Variants in SLC9A9 observed in about 807,000 individuals in gnomAD.
SLC9A9 encodes the protein solute carrier family 9 member A9.
In SLC9A9, 62 loss-of-function variants were observed where a neutral mutation model predicts 77.8. The observed-to-expected ratio is 0.80, with a 90% CI of 0.65 to 0.98. The LOEUF is 0.98. Among genes scored for constraint, SLC9A9 ranks in the 50% least tolerant of loss-of-function variants. The pLI is 0.00. For missense variants in SLC9A9, 775 were observed against 774.9 expected (o/e 1.00, Z 0.00); for synonymous variants, 320 against 283.5 (o/e 1.13, Z -1.29).
At chr3:143,614,531 T>A (rs1209626359) in intron 6 of SLC9A9, among the ~76,000 whole-genome samples, 1 of 152,192 alleles carries the variant, frequency 6.6e-6, no homozygotes, top group African/African-American at 2.4e-5. Context: ...ATAGAGTACA[T>A]CTTACTGACT....
At chr3:143,817,257 T>G (rs1176102689) in intron 2 of SLC9A9, among the ~76,000 whole-genome samples, 1 of 150,708 alleles carries the variant, frequency 6.6e-6, no homozygotes, top group Non-Finnish European at 1.5e-5. Flanking sequence ...CACGCCATTC[T>G]CCTGCCTCAG....
chr3:143,812,415 C>G (rs1487797928), intron 2 of SLC9A9, among the ~76,000 whole-genome samples: 1 of 152,130 alleles, frequency 6.6e-6, no homozygotes, highest in African/African-American at 2.4e-5. Flanking sequence ...GTTAAAAAAG[C>G]TGAGGAAACT....
chr3:143,832,129 G>C lies in SLC9A9; in HGVS notation c.268C>G (p.Pro90Ala). The C allele has an allele frequency of 6.2e-7, 1 of 1,613,122 alleles. No individual in the cohort carries two copies. Among genetic ancestry groups the C allele is most frequent in the East Asian group, 2.2e-5 (1 of 44,768 alleles). Residue 90 changes from proline to alanine, a missense_variant, in exon 2 of 16, where the codon CCA becomes GCA. Transcript: ENST00000316549. ...GTGATATTAACCAGCAGAGTTGATG[G>C]ACTGAAAGTTAGTTTTACACAGTCA... Reference protein sequence around the residue: ...VYDCVKLTFSPSTLLVNITDQ... With the variant: ...VYDCVKLTFSASTLLVNITDQ...
At position 143,520,568 on chromosome 3, in the gene SLC9A9, T is replaced by C. The variant is rs866496481; in HGVS notation, c.1090-25120A>G. ...TCTTATAACATGCCAGGTCCTGTTATAATACTTTACACACAAACACATAAC... is the reference window on the plus strand; with the variant it reads ...TCTTATAACATGCCAGGTCCTGTTACAATACTTTACACACAAACACATAAC... On this transcript the variant is annotated intron_variant, in intron 9 of 15. Coordinates refer to ENST00000316549, the MANE Select transcript of SLC9A9 (RefSeq NM_173653.4). 1.1e-4 allele frequency among the ~76,000 whole-genome samples: 16 copies of C among 152,360 alleles called. No homozygotes were observed. The South Asian group carries it at 1.2e-3, about 12-fold the overall frequency.
intron 12 of SLC9A9, among the ~76,000 whole-genome samples, chr3:143,456,265 TGTA>T (rs2035090222): frequency 6.6e-6 from 1 of 152,204 alleles, no homozygotes; most frequent in Non-Finnish European, 1.5e-5. Context: ...AATTGTAATG[TGTA>T]GCCTTTTTAA....
At chr3:143,295,841 G>A (rs1320768519) in intron 14 of SLC9A9, among the ~76,000 whole-genome samples, 1 of 150,526 alleles carries the variant, frequency 6.6e-6, no homozygotes, top group East Asian at 2.0e-4. Flanking sequence ...AGTGGAACAA[G>A]TGAGCAGAAG....
intron 14 of SLC9A9, among the ~76,000 whole-genome samples, chr3:143,348,162 G>A (rs567269346): frequency 6.6e-6 from 1 of 152,088 alleles, no homozygotes; most frequent in East Asian, 1.9e-4. Flanking sequence ...TACAGGTCCA[G>A]CTAATTTTTG....
At chr3:143,295,212 T>G (rs2030210087) in intron 14 of SLC9A9, among the ~76,000 whole-genome samples, 1 of 152,246 alleles carries the variant, frequency 6.6e-6, no homozygotes. Context: ...AAGAGTGAGT[T>G]CTGAGTAGCA....
At chr3:143,445,126 AAC>A (rs879483920) in intron 12 of SLC9A9, among the ~76,000 whole-genome samples, 2 of 152,098 alleles carry the variant, frequency 1.3e-5, no homozygotes, top group Admixed American at 1.3e-4. Flanking sequence ...ATCAATAGGA[AAC>A]ACACTCTTTA....
intron 4 of SLC9A9, among the ~76,000 whole-genome samples, chr3:143,768,215 A>T (rs1286509128): frequency 6.6e-6 from 1 of 152,166 alleles, no homozygotes; most frequent in African/African-American, 2.4e-5. Context: ...CGAGGGGGAA[A>T]ATCAGAGAAA....
At chr3:143,322,837 A>T (rs1610217) in intron 14 of SLC9A9, among the ~76,000 whole-genome samples, 2 of 152,094 alleles carry the variant, frequency 1.3e-5, no homozygotes, top group Non-Finnish European at 2.9e-5. Flanking sequence ...TTTTACTTAC[A>T]GCCAACTGAT....
At chr3:143,638,974 C>T (rs975530377) in intron 6 of SLC9A9, among the ~76,000 whole-genome samples, 2 of 152,130 alleles carry the variant, frequency 1.3e-5, no homozygotes, top group African/African-American at 4.8e-5. Flanking sequence ...ATTGATTTGG[C>T]CCCTTGTTCT....
intron 6 of SLC9A9, among the ~76,000 whole-genome samples, chr3:143,600,204 G>A (rs1483973898): frequency 1.3e-5 from 2 of 151,892 alleles, no homozygotes; most frequent in African/African-American, 2.4e-5. Context: ...AACAGGCCCC[G>A]GTGTGTGATG....
At chr3:143,369,248 A>C (rs1367031565) in intron 13 of SLC9A9, among the ~76,000 whole-genome samples, 3 of 152,202 alleles carry the variant, frequency 2.0e-5, no homozygotes, top group African/African-American at 7.2e-5. Flanking sequence ...TGGTGGTCTT[A>C]AAGTGTATAT....
intron 2 of SLC9A9, among the ~76,000 whole-genome samples, chr3:143,819,542 G>A (rs1462401377): frequency 6.6e-6 from 1 of 152,110 alleles, no homozygotes; most frequent in Non-Finnish European, 1.5e-5. Flanking sequence ...TTCCTCCTCT[G>A]TAGCGTGGGT....
chr3:143,633,107 A>C (rs1283006971), intron 6 of SLC9A9, among the ~76,000 whole-genome samples: 3 of 152,194 alleles, frequency 2.0e-5, no homozygotes, highest in Non-Finnish European at 4.4e-5. Flanking sequence ...GTTCCTATCC[A>C]TTCATTCATT....
intron 6 of SLC9A9, among the ~76,000 whole-genome samples, chr3:143,591,475 G>A (rs142683453): frequency 1.3e-5 from 2 of 152,360 alleles, no homozygotes; most frequent in African/African-American, 4.8e-5. Flanking sequence ...TTGCCATGAA[G>A]TGTATATTCT....
rs746582477 is a variant in SLC9A9, at chr3:143,606,400, ATCTCTCTCTC to A, written c.756-27687_756-27678del. 3.5e-3 allele frequency among the ~76,000 whole-genome samples: 267 copies of A among 76,446 alleles called. 2 individuals are homozygous for A. The highest frequency in any genetic ancestry group is 4.4e-3 in the South Asian group (7 of 1,580). The allele number at this position is 76,446 out of a possible 152,430, so 50.2% of individuals were successfully genotyped here. A position where few individuals can be genotyped will look rare whatever the true frequency, so the allele number is the denominator to read the frequency against. ...CACTTCAGACTGGGCGAAAGAGTGA[ATCTCTCTCTC>A]TCTCTCTCTCTCTCTCTCTCTCTCT... is the stretch of plus-strand genomic sequence containing the variant. On this transcript the variant is annotated intron_variant, in intron 6 of 15. Transcript: ENST00000316549.
At chr3:143,769,588 C>T (rs994307192) in intron 4 of SLC9A9, among the ~76,000 whole-genome samples, 3 of 152,160 alleles carry the variant, frequency 2.0e-5, no homozygotes, top group Admixed American at 1.3e-4. Flanking sequence ...TAGTCCTGTG[C>T]CTTCCAAATC....
Sources: allele counts gnomAD v4.1 joint callset (sites outside exome capture counted in the v4.1 genomes callset), GRCh38; gene constraint gnomAD v4.1.1; transcripts MANE v1.5; gene names NCBI Gene and HGNC (gene_info 2026-07-23, HGNC 2026-07-21).